The following STPG2 variants were observed in gnomAD, a reference collection of about 807,000 sequenced individuals.
STPG2 encodes sperm tail PG-rich repeat containing 2.
In STPG2, 56 loss-of-function variants were observed where a neutral mutation model predicts 54.2. The ratio of observed to expected loss-of-function variants is 1.03; its 90% confidence interval spans 0.83 to 1.29. STPG2 has a LOEUF of 1.29. STPG2 is among the 50% of genes most tolerant of loss of function. The probability of loss-of-function intolerance (pLI) is 0.00; values close to 1 mark genes in which losing one functional copy is unlikely to be tolerated. For missense variants in STPG2, 596 were observed against 544.9 expected, an observed-to-expected ratio of 1.09 and a Z score of -0.93; for synonymous variants, 200 against 181.8, an observed-to-expected ratio of 1.10 and a Z score of -0.81.
chr4:97,935,692 A>C (rs572459548), intron 8 of STPG2, among the ~76,000 whole-genome samples: 1 of 151,944 alleles, frequency 6.6e-6, no homozygotes. Context: ...GCGGTTTTTA[A>C]TGAGTTTCCT....
At chr4:97,650,088 T>G (rs1478009184) in intron 10 of STPG2, among the ~76,000 whole-genome samples, 1 of 152,052 alleles carries the variant, frequency 6.6e-6, no homozygotes, top group Non-Finnish European at 1.5e-5. Flanking sequence ...ATAGGGTTCA[T>G]GCTCCCACAA....
chr4:97,510,114 T>G (rs997486988), intron 4 of STPG2, among the ~76,000 whole-genome samples: 1 of 152,016 alleles, frequency 6.6e-6, no homozygotes, highest in Non-Finnish European at 1.5e-5. Context: ...TGTAAATGAA[T>G]CAATGATTTG....
chr4:97,563,751 G>C (rs1287824538), intron 10 of STPG2, among the ~76,000 whole-genome samples: 1 of 152,180 alleles, frequency 6.6e-6, no homozygotes, highest in Non-Finnish European at 1.5e-5. Flanking sequence ...GAGTGCTTTT[G>C]AGTGAGTTTC....
rs532629263 is a variant in STPG2, at chr4:97,635,542, T to G, written c.1321-76425A>C. 1.6e-4 allele frequency among the ~76,000 whole-genome samples: 24 copies of G among 152,240 alleles called. 1 individual carries two copies. The South Asian group carries it at 4.8e-3, about 30-fold the overall frequency. On this transcript the variant is annotated intron_variant, in intron 10 of 10. Coordinates refer to ENST00000295268, the MANE Select transcript of STPG2 (RefSeq NM_174952.3). ...AATGCTCCAATTAAAAGACACAGAC[T>G]GGCAAATTGGATAAAGAGTCAAGAC...
At chr4:97,672,036 C>A (rs1412509328) in intron 10 of STPG2, among the ~76,000 whole-genome samples, 1 of 151,776 alleles carries the variant, frequency 6.6e-6, no homozygotes, top group Non-Finnish European at 1.5e-5. Context: ...ATACTACATG[C>A]CAGACACTAT....
intron 10 of STPG2, among the ~76,000 whole-genome samples, chr4:97,592,998 A>G (rs1333662396): frequency 6.6e-6 from 1 of 152,236 alleles, no homozygotes; most frequent in Non-Finnish European, 1.5e-5. Context: ...TTTAACCACA[A>G]GGGACTACCT....
chr4:97,888,182 C>A (rs1382060302), intron 8 of STPG2, among the ~76,000 whole-genome samples: 1 of 152,150 alleles, frequency 6.6e-6, no homozygotes, highest in African/African-American at 2.4e-5. Context: ...GGGTTGGAGA[C>A]CCCAAACACA....
chr4:98,141,712 C>T (rs1740286222), intron 1 of STPG2, among the ~76,000 whole-genome samples: 1 of 152,148 alleles, frequency 6.6e-6, no homozygotes, highest in Admixed American at 6.5e-5. Flanking sequence ...TCAGGACCTC[C>T]TGAGGGCTGT....
At chr4:97,667,526 A>C (rs1722565869) in intron 10 of STPG2, among the ~76,000 whole-genome samples, 1 of 152,198 alleles carries the variant, frequency 6.6e-6, no homozygotes, top group Admixed American at 6.5e-5. Context: ...CTATGGATTT[A>C]CTTTCCAAAT....
At chr4:98,043,672 TATC>T (rs1194012830) in intron 5 of STPG2, among the ~76,000 whole-genome samples, 4 of 152,152 alleles carry the variant, frequency 2.6e-5, no homozygotes, top group Admixed American at 6.6e-5. Context: ...ATACTTTAGT[TATC>T]ATTGTCTTTA....
chr4:97,459,793 A>G (rs1729618028), intron 4 of STPG2, among the ~76,000 whole-genome samples: 1 of 151,960 alleles, frequency 6.6e-6, no homozygotes, highest in Non-Finnish European at 1.5e-5. Flanking sequence ...CTTCAGATTT[A>G]TTTTTCACTT....
intron 9 of STPG2, among the ~76,000 whole-genome samples, chr4:97,811,214 G>A (rs996121800): frequency 4.0e-5 from 6 of 151,772 alleles, no homozygotes; most frequent in Middle Eastern, 3.4e-3. Flanking sequence ...AAAAAAATCC[G>A]TTGGAGACAA....
intron 10 of STPG2, among the ~76,000 whole-genome samples, chr4:97,606,136 T>C (rs1249841987): frequency 6.6e-6 from 1 of 151,920 alleles, no homozygotes; most frequent in Non-Finnish European, 1.5e-5. Flanking sequence ...TTTAAATGTG[T>C]GCTTTTCCCA....
At chr4:97,813,008 C>T (rs1453364652) in intron 9 of STPG2, among the ~76,000 whole-genome samples, 3 of 152,134 alleles carry the variant, frequency 2.0e-5, no homozygotes, top group South Asian at 2.1e-4. Context: ...ATCTTTCCCT[C>T]ATTTCCATAC....
chr4:97,597,406 T>C (rs987353855), intron 10 of STPG2, among the ~76,000 whole-genome samples: 1 of 152,122 alleles, frequency 6.6e-6, no homozygotes, highest in Non-Finnish European at 1.5e-5. Context: ...TAACTCATTC[T>C]ACGAAGCCAG....
intron 4 of STPG2, among the ~76,000 whole-genome samples, chr4:97,460,134 A>AC (rs948192395): frequency 6.6e-6 from 1 of 151,710 alleles, no homozygotes; most frequent in Non-Finnish European, 1.5e-5. Context: ...TCTTCCATCA[A>AC]CCCCCCACTA....
chr4:97,829,475 G>A (rs900027523), intron 9 of STPG2, among the ~76,000 whole-genome samples: 9 of 152,102 alleles, frequency 5.9e-5, no homozygotes, highest in African/African-American at 1.9e-4. Flanking sequence ...TACTCCAAAG[G>A]ATCACAACTC....
chr4:97,814,056 C>A (rs534863214), intron 9 of STPG2, among the ~76,000 whole-genome samples: 2 of 152,182 alleles, frequency 1.3e-5, no homozygotes, highest in Non-Finnish European at 2.9e-5. Flanking sequence ...TGATAATACA[C>A]CTAATGAGAT....
chr4:98,103,244 A>G (rs551542395), intron 5 of STPG2, among the ~76,000 whole-genome samples: 1 of 152,290 alleles, frequency 6.6e-6, no homozygotes, highest in African/African-American at 2.4e-5. Context: ...AACAGTATAA[A>G]TATTTTACTA....
Sources: allele counts gnomAD v4.1 joint callset (sites outside exome capture counted in the v4.1 genomes callset), GRCh38; gene constraint gnomAD v4.1.1; transcripts MANE v1.5; gene names NCBI Gene and HGNC (gene_info 2026-07-23, HGNC 2026-07-21).